The following ROBO2 variants were observed in gnomAD, a reference collection of about 807,000 sequenced individuals.
ROBO2 encodes roundabout guidance receptor 2, also known as roundabout homolog 2.
A neutral mutation model predicts 160.8 loss-of-function variants in ROBO2; 53 were observed. The ratio of observed to expected loss-of-function variants is 0.33; its 90% CI spans 0.26 to 0.41. ROBO2 has a LOEUF of 0.41. Among genes scored for constraint, ROBO2 ranks in the 10% least tolerant of loss-of-function variants. ROBO2 has a pLI of 1.00. For synonymous variants in ROBO2, 664 were observed against 611.7 expected, an observed-to-expected ratio of 1.09 and a Z score of -1.26; for missense variants, 1,577 against 1,722.4, an observed-to-expected ratio of 0.92 and a Z score of 1.49.
intron 2 of ROBO2, among the ~76,000 whole-genome samples, chr3:76,722,213 G>C (rs2093476568): frequency 6.6e-6 from 1 of 152,040 alleles, no homozygotes; most frequent in South Asian, 2.1e-4. Context: ...GGAAAACTTT[G>C]TGTTTCACGC....
At chr3:76,038,023 G>A (rs1166672875) in intron 2 of ROBO2, among the ~76,000 whole-genome samples, 1 of 152,012 alleles carries the variant, frequency 6.6e-6, no homozygotes, top group African/African-American at 2.4e-5. Flanking sequence ...GAAGGGTACT[G>A]GGAAGATACC....
At chr3:76,383,485 T>C (rs1559856671) in intron 2 of ROBO2, among the ~76,000 whole-genome samples, 2 of 152,242 alleles carry the variant, frequency 1.3e-5, no homozygotes, top group Admixed American at 1.3e-4. Context: ...TATTTTCATT[T>C]TTAACAATTT....
At chr3:76,838,734 G>A (rs2067943995) in intron 2 of ROBO2, among the ~76,000 whole-genome samples, 1 of 152,076 alleles carries the variant, frequency 6.6e-6, no homozygotes, top group Non-Finnish European at 1.5e-5. Flanking sequence ...TTCATTGTAA[G>A]GGCTCCGAAA....
intron 2 of ROBO2, among the ~76,000 whole-genome samples, chr3:77,366,194 T>G (rs973660114): frequency 3.5e-4 from 54 of 152,164 alleles, no homozygotes; most frequent in Admixed American, 3.5e-3. Flanking sequence ...ATTTCAAGTC[T>G]TTTAGAGAAT....
At chr3:76,957,414 T>G (rs1248649630) in intron 2 of ROBO2, among the ~76,000 whole-genome samples, 1 of 152,110 alleles carries the variant, frequency 6.6e-6, no homozygotes, top group African/African-American at 2.4e-5. Flanking sequence ...GAATATTTCT[T>G]TAGCATTTAG....
At chr3:76,393,394 A>C in intron 2 of ROBO2, among the ~76,000 whole-genome samples, 1 of 152,306 alleles carries the variant, frequency 6.6e-6, no homozygotes, top group Non-Finnish European at 1.5e-5. Context: ...ATTTCATTGT[A>C]GAAAATTTTA....
chr3:77,281,138 G>T (rs1028477687), intron 2 of ROBO2, among the ~76,000 whole-genome samples: 2 of 152,160 alleles, frequency 1.3e-5, no homozygotes, highest in African/African-American at 4.8e-5. Context: ...TAGAAAAAAA[G>T]TCATTCAAAG....
chr3:76,282,469 G>A (rs910711611), intron 2 of ROBO2, among the ~76,000 whole-genome samples: 1 of 151,834 alleles, frequency 6.6e-6, no homozygotes, highest in African/African-American at 2.4e-5. Context: ...TACTAAAATT[G>A]TTTATTTTTT....
chr3:76,919,546 C>T (rs530254795), intron 2 of ROBO2, among the ~76,000 whole-genome samples: 1 of 152,158 alleles, frequency 6.6e-6, no homozygotes, highest in South Asian at 2.1e-4. Flanking sequence ...ACTTGTGAGA[C>T]ATTATACAAG....
intron 2 of ROBO2, among the ~76,000 whole-genome samples, chr3:76,871,548 C>A (rs981646886): frequency 7.4e-6 from 1 of 136,026 alleles, no homozygotes. Flanking sequence ...AGCGAGACTC[C>A]GTCTCAAAAA....
intron 2 of ROBO2, among the ~76,000 whole-genome samples, chr3:76,793,294 TTA>T (rs1327983971): frequency 6.6e-6 from 1 of 151,896 alleles, no homozygotes; most frequent in Non-Finnish European, 1.5e-5. Flanking sequence ...AGAAGCCTCT[TTA>T]TTATCTCACC....
intron 1 of ROBO2, among the ~76,000 whole-genome samples, chr3:77,068,159 G>T (rs2067055004): frequency 6.6e-6 from 1 of 152,112 alleles, no homozygotes; most frequent in Non-Finnish European, 1.5e-5. Flanking sequence ...GGAAGAGGCT[G>T]CCCTTTATTT....
At chr3:77,035,208 G>A (rs1456993486), upstream of ROBO2, among the ~76,000 whole-genome samples, 1 of 151,816 alleles carries the variant, frequency 6.6e-6, no homozygotes, top group East Asian at 1.9e-4. Context: ...TTACTAAGAT[G>A]GGGCTGAGGG....
exon 26 of ROBO2, chr3:77,649,858 G>GTTGT (rs2095437084): frequency 6.6e-6 from 1 of 152,080 alleles, no homozygotes; most frequent in African/African-American, 2.4e-5. Context: ...TTCATTTGAT[G>GTTGT]TTGTTAGATC....
At chr3:77,425,900 T>A (rs2153536696) in intron 2 of ROBO2, among the ~76,000 whole-genome samples, 1 of 152,108 alleles carries the variant, frequency 6.6e-6, no homozygotes, top group African/African-American at 2.4e-5. Context: ...TGATCTCAAA[T>A]AATCTGCCTG....
At chr3:77,362,908 A>C (rs1453705238) in intron 2 of ROBO2, among the ~76,000 whole-genome samples, 1 of 152,068 alleles carries the variant, frequency 6.6e-6, no homozygotes, top group Non-Finnish European at 1.5e-5. Flanking sequence ...TTATCAGGAG[A>C]ACAGCACAGG....
intron 2 of ROBO2, among the ~76,000 whole-genome samples, chr3:77,163,592 C>T (rs2078683087): frequency 1.3e-5 from 2 of 152,180 alleles, no homozygotes; most frequent in Admixed American, 1.3e-4. Flanking sequence ...CATAATGTTC[C>T]ATTGTCGCAT....
At chr3:76,080,190 C>T (rs2068776519) in intron 2 of ROBO2, among the ~76,000 whole-genome samples, 1 of 152,166 alleles carries the variant, frequency 6.6e-6, no homozygotes, top group African/African-American at 2.4e-5. Flanking sequence ...GGCCAGGATG[C>T]TGACGAAAAC....
intron 2 of ROBO2, among the ~76,000 whole-genome samples, chr3:75,955,656 G>T (rs1559781761): frequency 1.3e-5 from 2 of 151,570 alleles, no homozygotes. Flanking sequence ...GATAATGTTT[G>T]CAAAGATACT....
Sources: gnomAD v4.1 joint callset for allele counts (sites outside exome capture counted in the v4.1 genomes callset) on GRCh38, gnomAD v4.1.1 for gene constraint, MANE v1.5 for transcripts, NCBI Gene and HGNC (gene_info 2026-07-23, HGNC 2026-07-21) for gene names.